The following FMN2 variants were observed in gnomAD, a reference collection of about 807,000 sequenced individuals.
FMN2 encodes the protein formin-2.
Under a neutral mutation model 142.3 loss-of-function variants are expected in FMN2, and 51 were observed. The observed-to-expected ratio is 0.36, with a 90% confidence interval of 0.29 to 0.45. FMN2 has a LOEUF of 0.45. FMN2 is among the 20% of genes least tolerant of loss of function. The pLI is 1.00. For synonymous variants in FMN2, 882 were observed against 869.8 expected, an observed-to-expected ratio of 1.01 and a Z score of -0.25; for missense variants, 1,936 against 2,122.8, an observed-to-expected ratio of 0.91 and a Z score of 1.73.
chr1:240,434,650 C>A (rs1333497091), intron 15 of FMN2, among the ~76,000 whole-genome samples: 1 of 151,708 alleles, frequency 6.6e-6, no homozygotes. Flanking sequence ...CAAGCTCCGC[C>A]TCCCGGGTTC....
At chr1:240,247,890 G>A (rs981881339) in intron 6 of FMN2, among the ~76,000 whole-genome samples, 7 of 152,040 alleles carry the variant, frequency 4.6e-5, no homozygotes, top group Admixed American at 1.3e-4. Flanking sequence ...CATAGAATGC[G>A]TGGTGATGAA....
chr1:240,171,049 G>C lies in FMN2; in HGVS notation c.1783-6872G>C, dbSNP rs1664683587. 5 of 1,129,110 alleles carry C rather than the reference G, an allele frequency of 4.4e-6. No homozygotes were observed. In the African/African-American group the frequency reaches 7.6e-5, roughly 17 times the overall value. 69.9% of individuals were successfully genotyped at this position (1,129,110 alleles called of 1,614,324 possible). ...CTGGGGCGTCAGTGTGGTGGTTGGA[G>C]TAGCTGCTTCAGGTCAAGAAATTGC... On this transcript the variant is annotated intron_variant, in intron 2 of 17. Coordinates refer to ENST00000319653, the MANE Select transcript of FMN2 (RefSeq NM_020066.5).
At chr1:240,200,673 C>T (rs1010266150) in intron 4 of FMN2, among the ~76,000 whole-genome samples, 17 of 151,970 alleles carry the variant, frequency 1.1e-4, no homozygotes, top group African/African-American at 3.1e-4. Flanking sequence ...AATACAGGGC[C>T]GGTCGGGATT....
At chr1:240,284,427 CT>C (rs1425720018) in intron 7 of FMN2, among the ~76,000 whole-genome samples, 3 of 152,074 alleles carry the variant, frequency 2.0e-5, no homozygotes, top group Non-Finnish European at 4.4e-5. Flanking sequence ...ATTTTACTTC[CT>C]AATAAACTCA....
chr1:240,126,660 A>C lies in FMN2; in HGVS notation c.1782+3315A>C, dbSNP rs192806951. 2.0e-5 allele frequency among the ~76,000 whole-genome samples: 3 copies of C among 152,350 alleles called. No homozygotes were observed. In the East Asian group the frequency reaches 5.8e-4, roughly 29 times the overall value. On this transcript the variant is annotated intron_variant, in intron 2 of 17. Transcript: ENST00000319653. ...ATATGATTAAGATGTCAAGAACTTT[A>C]AAAGACAAAGATGGCTTTGAGGGAT...
rs1211928654 is a variant in FMN2 at position 240,130,174 on chromosome 1, G to A, written c.1782+6829G>A. ...GTTGAAAGACATATGGATGCTGTGT[G>A]AATATTGCACTGCAGAGGCAGATAT... On this transcript the variant is annotated intron_variant, in intron 2 of 17. Transcript: ENST00000319653. Among the ~76,000 whole-genome samples, 5 of 152,330 alleles carry A rather than the reference G, an allele frequency of 3.3e-5. No individual in the cohort carries two copies. In the East Asian group the frequency reaches 9.6e-4, roughly 29 times the overall value.
At chr1:240,316,339 A>C (rs1210645354) in intron 8 of FMN2, among the ~76,000 whole-genome samples, 1 of 152,172 alleles carries the variant, frequency 6.6e-6, no homozygotes, top group East Asian at 1.9e-4. Flanking sequence ...TGCAGAGAAG[A>C]GATAAAGACC....
intron 8 of FMN2, among the ~76,000 whole-genome samples, chr1:240,300,263 T>TA: frequency 6.6e-6 from 1 of 152,314 alleles, no homozygotes; most frequent in South Asian, 2.1e-4. Context: ...AATAGAAGTT[T>TA]CATATGATCT....
intron 1 of FMN2, among the ~76,000 whole-genome samples, chr1:240,098,097 A>ATTTTTTTTTTTTTTTTTTT (rs35191164): frequency 0.015 from 1,428 of 98,404 alleles, 95 homozygotes; most frequent in African/African-American, 0.029. Context: ...GTTATCTTGA[A>ATTTTTTTTTTTTTTTTTTT]TTTTTTTTTT....
intron 13 of FMN2, among the ~76,000 whole-genome samples, chr1:240,354,865 G>GA (rs1672212696): frequency 6.7e-6 from 1 of 149,978 alleles, no homozygotes; most frequent in Non-Finnish European, 1.5e-5. Context: ...TGTCGTTGTT[G>GA]TTTTTTTTTG....
chr1:240,463,061 C>A (rs1405158569), intron 16 of FMN2, among the ~76,000 whole-genome samples: 1 of 152,134 alleles, frequency 6.6e-6, no homozygotes, highest in Admixed American at 6.5e-5. Flanking sequence ...TGAGTTGGAG[C>A]CAGTCTGCAA....
At chr1:240,203,422 A>G (rs1666204961) in intron 4 of FMN2, among the ~76,000 whole-genome samples, 3 of 152,224 alleles carry the variant, frequency 2.0e-5, no homozygotes, top group Admixed American at 6.5e-5. Flanking sequence ...TTGCCCATCA[A>G]TGATAAACTG....
intron 6 of FMN2, among the ~76,000 whole-genome samples, chr1:240,254,550 T>TC (rs1265472118): frequency 2.0e-5 from 3 of 151,726 alleles, no homozygotes; most frequent in African/African-American, 2.4e-5. Flanking sequence ...GGACCCCAGG[T>TC]CCCCCCTACC....
intron 6 of FMN2, among the ~76,000 whole-genome samples, chr1:240,227,700 G>C (rs1158389639): frequency 1.3e-5 from 2 of 152,168 alleles, no homozygotes; most frequent in African/African-American, 4.8e-5. Context: ...AAGGGTGAAA[G>C]AATGGTCTTT....
chr1:240,333,531 A>G (rs958745860), intron 11 of FMN2, among the ~76,000 whole-genome samples: 15 of 152,204 alleles, frequency 9.9e-5, no homozygotes, highest in African/African-American at 3.4e-4. Flanking sequence ...TTCTTTTAAT[A>G]TAGTAGTTTT....
chr1:240,150,361 A>G lies in FMN2; in HGVS notation c.1782+27016A>G, dbSNP rs1362403362. Among the ~76,000 whole-genome samples, 3 of 127,028 alleles carry G rather than the reference A, an allele frequency of 2.4e-5. No homozygotes were observed. In the Admixed American group the frequency reaches 2.6e-4, roughly 11 times the overall value. 83.3% of individuals were successfully genotyped at this position (127,028 alleles called of 152,430 possible). ...TTCTGTGTACAGAAGGAAAATGATT[A>G]TTGATGAAACAAGACATCCATCCCA... On this transcript the variant is annotated intron_variant, in intron 2 of 17. Coordinates refer to ENST00000319653, the MANE Select transcript of FMN2 (RefSeq NM_020066.5).
chr1:240,094,542 C>G (rs78721003), intron 1 of FMN2, among the ~76,000 whole-genome samples: 11,345 of 152,134 alleles, frequency 0.075, 961 homozygotes, highest in African/African-American at 0.21. Flanking sequence ...TATGTTTGCT[C>G]TGGTCAGTGT....
intron 8 of FMN2, among the ~76,000 whole-genome samples, chr1:240,308,268 T>C (rs149330547): frequency 2.5e-3 from 388 of 152,258 alleles, no homozygotes; most frequent in Non-Finnish European, 4.0e-3. Context: ...GAGGGGAACA[T>C]TGTAGAAGTT....
chr1:240,115,023 A>G (rs1246497860), intron 1 of FMN2, among the ~76,000 whole-genome samples: 3 of 152,138 alleles, frequency 2.0e-5, no homozygotes, highest in African/African-American at 7.2e-5. Flanking sequence ...TTCACTAGGT[A>G]TGGTTGTTAC....
Sources: allele counts gnomAD v4.1 joint callset (sites outside exome capture counted in the v4.1 genomes callset), GRCh38; gene constraint gnomAD v4.1.1; transcripts MANE v1.5; gene names NCBI Gene and HGNC (gene_info 2026-07-23, HGNC 2026-07-21).